The following NANOGNB variants were observed in gnomAD, a reference collection of about 807,000 sequenced individuals.
NANOGNB encodes the protein NANOG neighbor homeobox, also known as homeobox C14.
Under a neutral mutation model 25.0 loss-of-function variants are expected in NANOGNB, and 30 were observed. The observed-to-expected ratio is 1.20, with a 90% CI of 0.90 to 1.63. NANOGNB has a LOEUF of 1.63. Among genes scored for constraint, NANOGNB ranks in the 40% most tolerant of loss-of-function variants. The pLI, the probability that NANOGNB is intolerant of heterozygous loss-of-function variation, is 0.00. For missense variants in NANOGNB, 200 were observed against 188.1 expected (o/e 1.06, Z -0.37); for synonymous variants, 84 against 62.1 (o/e 1.35, Z -1.66).
intron 1 of NANOGNB, chr12:7,765,965 G>C (rs1865241438): frequency 2.5e-6 from 1 of 393,996 alleles, no homozygotes; most frequent in Non-Finnish European, 4.5e-6. Context: ...AAGGAGATAA[G>C]AGGTGAAGGG....
rs1266300920 is a variant in NANOGNB at position 7,765,367 on chromosome 12, G to A, written c.82G>A (p.Glu28Lys). ...GGGCAGATCACGAGGTCAGGAAATC[G>A]AGACCATCTTGGCTAACAAGGTAAA... ...EAGRSRGQEI[E>K]TILANKKQSA... is the part of the protein sequence containing the mutation. Residue 28 changes from glutamate to lysine, a missense_variant, in exon 1 of 4, where the codon GAG becomes AAG. By Grantham distance (56) the Glu-to-Lys change is moderately conservative. Coordinates refer to ENST00000382119, the MANE Select transcript of NANOGNB (RefSeq NM_001145465.1). 3.7e-6 allele frequency: 2 copies of A among 533,480 alleles called. No homozygotes were observed. The highest frequency in any genetic ancestry group is 6.3e-6 in the Non-Finnish European group (2 of 318,990). 33.0% of individuals were successfully genotyped at this position (533,480 alleles called of 1,614,324 possible).
chr12:7,769,011 T>G (rs1366827631), intron 1 of NANOGNB, among the ~76,000 whole-genome samples: 1 of 152,128 alleles, frequency 6.6e-6, no homozygotes, highest in African/African-American at 2.4e-5. Flanking sequence ...TGAGAAAGCC[T>G]AATCCAATCA....
rs12818448 is a variant in NANOGNB at position 7,765,340 on chromosome 12, G to A, written c.55G>A (p.Ala19Thr). ...AATCCCAGCACTTTGGGAGGCCGAG[G>A]CGGGCAGATCACGAGGTCAGGAAAT... ...PVIPALWEAE[A>T]GRSRGQEIET... The change falls in exon 1 of 4, where the codon GCG becomes ACG. Residue 19 changes from alanine (A) to threonine (T), a missense_variant. Coordinates refer to ENST00000382119, the MANE Select transcript of NANOGNB (RefSeq NM_001145465.1). The A allele has an allele frequency of 0.1, 77,940 of 751,012 alleles. 4,684 individuals carry two copies. Among genetic ancestry groups the A allele is most frequent in the African/African-American group, 0.21 (11,238 of 54,350 alleles). The allele number at this position is 751,012 out of a possible 1,614,324, so 46.5% of individuals were successfully genotyped here.
intron 1 of NANOGNB, among the ~76,000 whole-genome samples, 182 bp downstream of exon 1, chr12:7,765,569 C>CAAAAAAA (rs1187331161): frequency 6.4e-4 from 31 of 48,656 alleles, no homozygotes; most frequent in East Asian, 5.0e-3. Flanking sequence ...GACTCCGTCT[C>CAAAAAAA]AAAAAAAAAA....
chr12:7,770,037 A>C lies in NANOGNB; in HGVS notation c.157A>C (p.Ser53Arg). 1 of 1,536,726 alleles carries C rather than the reference A, an allele frequency of 6.5e-7. No individual in the cohort carries two copies. ...QDPEQSTGNY[S>R]EDEQNGKQKW... The stretch of plus-strand genomic sequence containing the variant: ...TCCAGAACAATCAACTGGAAATTAC[A>C]GTGAAGATGAACAAAATGGAAAGCA... The change falls in exon 2 of 4, where the codon AGT becomes CGT. Residue 53 changes from serine (S) to arginine (R), a missense_variant. Physicochemically the swap from Ser to Arg is moderately radical, Grantham distance 110. Coordinates refer to ENST00000382119, the MANE Select transcript of NANOGNB (RefSeq NM_001145465.1).
Position 7,770,526 on chromosome 12 carries a change from AGT to A in NANOGNB, c.515+11_515+12del, listed in dbSNP as rs1175273387. On this transcript the variant is annotated intron_variant, in intron 3 of 3. Transcript: ENST00000382119. Reference sequence around the variant, plus strand: ...TAAGAAAAAACATATGAGGTAAGAAAGTGTTTCTTGTAAAATAAAAGGAAGTA... The same window carrying A: ...TAAGAAAAAACATATGAGGTAAGAAAGTTTCTTGTAAAATAAAAGGAAGTA... 7.0e-7 allele frequency: 1 copy of A among 1,435,222 alleles called. No individual in the cohort carries two copies. The highest frequency in any genetic ancestry group is 9.5e-7 in the Non-Finnish European group (1 of 1,052,868). 88.9% of individuals were successfully genotyped at this position (1,435,222 alleles called of 1,614,324 possible).
chr12:7,767,597 G>A (rs1235404285), intron 1 of NANOGNB, among the ~76,000 whole-genome samples: 1 of 151,868 alleles, frequency 6.6e-6, no homozygotes, highest in Non-Finnish European at 1.5e-5. Flanking sequence ...ATACCAATTA[G>A]CAGACACTCC....
intron 3 of NANOGNB, among the ~76,000 whole-genome samples, chr12:7,773,470 G>A (rs1249692275): frequency 1.4e-5 from 2 of 146,848 alleles, no homozygotes; most frequent in Admixed American, 7.1e-5. Flanking sequence ...GGAGGCCAAG[G>A]CAGGTGGATC....
chr12:7,772,915 C>T (rs1862596468), intron 3 of NANOGNB, among the ~76,000 whole-genome samples: 1 of 151,914 alleles, frequency 6.6e-6, no homozygotes, highest in South Asian at 2.1e-4. Flanking sequence ...TATTCCAGGC[C>T]CAGGATCTAT....
rs141257414 is a variant in NANOGNB at position 7,769,445 on chromosome 12, C to T, written c.103-538C>T. Among the ~76,000 whole-genome samples the T allele has an allele frequency of 3.0e-3, 462 of 152,244 alleles. 3 individuals carry two copies. Among genetic ancestry groups the T allele is most frequent in the African/African-American group, 9.6e-3 (397 of 41,552 alleles). On this transcript the variant is annotated intron_variant, in intron 1 of 3. Transcript: ENST00000382119. ...TCAAGCAATTTTCCTGCCTCAGCCT[C>T]CCAAGTAGCTGGAACTACAGGTGCA...
rs768389221 is a variant in NANOGNB, at chr12:7,767,776, C to T, written c.103-2207C>T. 2.1e-3 allele frequency among the ~76,000 whole-genome samples: 299 copies of T among 143,582 alleles called. 1 individual carries two copies. Among genetic ancestry groups the T allele is most frequent in the African/African-American group, 7.2e-3 (278 of 38,666 alleles). 94.2% of individuals were successfully genotyped at this position (143,582 alleles called of 152,430 possible). ...TTTCCTCTTTTTTTTTTTTTTTTTC[C>T]GGTGTGGCAGGGTCTTGCTCTGTCA... On this transcript the variant is annotated intron_variant, in intron 1 of 3. Coordinates refer to ENST00000382119, the MANE Select transcript of NANOGNB (RefSeq NM_001145465.1).
chr12:7,770,395 C>A (rs1225888525), intron 2 of NANOGNB, 44 bp from the exon 3 acceptor site: 2 of 1,526,176 alleles, frequency 1.3e-6, no homozygotes, highest in Admixed American at 4.4e-5. Flanking sequence ...GACCAATATC[C>A]TTATTCCTGT....
In NANOGNB at chr12:7,770,256, T is replaced by G; in HGVS notation, c.376T>G (p.Cys126Gly). The change falls in exon 2 of 4, where the codon TGC becomes GGC. Residue 126 changes from cysteine to glycine, a missense_variant. By Grantham distance (159) the Cys-to-Gly change is radical. Transcript: ENST00000382119. ...CTGGGCAAAGTTTAAGTTAAACAGG[T>G]GCCCCACTATACAAGAGAGTCTATC... is the stretch of plus-strand genomic sequence containing the variant. ...TLWAKFKLNR[C>G]PTIQESLSLS... 1 of 1,549,322 alleles carries G rather than the reference T, an allele frequency of 6.5e-7. No homozygotes were observed. Among genetic ancestry groups the G allele is most frequent in the Non-Finnish European group, 8.7e-7 (1 of 1,146,460 alleles).
chr12:7,765,936 T>C (rs1238376425), intron 1 of NANOGNB: 2 of 390,990 alleles, frequency 5.1e-6, no homozygotes, highest in Non-Finnish European at 9.0e-6. Context: ...TTAGATGACC[T>C]GGATTAGAGC....
At chr12:7,767,496 C>T (rs752854864) in intron 1 of NANOGNB, among the ~76,000 whole-genome samples, 2 of 151,246 alleles carry the variant, frequency 1.3e-5, no homozygotes, top group African/African-American at 4.9e-5. Context: ...CTGACGATTT[C>T]GAGACCAACA....
rs1421305006 is a variant in NANOGNB, at chr12:7,770,308, A to G, written c.428A>G (p.His143Arg). The change falls in exon 2 of 4, where the codon CAT becomes CGT. Residue 143 changes from histidine to arginine, a missense_variant. Transcript: ENST00000382119. Reference protein sequence around the residue: ...LSLSFEFDMTHKQISQWFCKT... With the variant: ...LSLSFEFDMTRKQISQWFCKT... ...CTGTCATTTGAATTTGACATGACAC[A>G]TAAACAGGTATGACAACATTAATAG... is the stretch of plus-strand genomic sequence containing the variant. The G allele has an allele frequency of 7.2e-6, 11 of 1,531,712 alleles. No individual in the cohort carries two copies. The highest frequency in any genetic ancestry group is 1.4e-5 in the African/African-American group (1 of 71,760). The allele number at this position is 1,531,712 out of a possible 1,614,324, so 94.9% of individuals were successfully genotyped here. A position where few individuals can be genotyped will look rare whatever the true frequency, so the allele number is the denominator to read the frequency against.
intron 3 of NANOGNB, among the ~76,000 whole-genome samples, chr12:7,771,995 C>T (rs1385059483): frequency 6.6e-6 from 1 of 152,118 alleles, no homozygotes; most frequent in Non-Finnish European, 1.5e-5. Flanking sequence ...ACACTGGTTA[C>T]CAACACCGAG....
At chr12:7,770,773 C>T (rs1865286054) in intron 3 of NANOGNB, among the ~76,000 whole-genome samples, 1 of 152,114 alleles carries the variant, frequency 6.6e-6, no homozygotes. Flanking sequence ...CCACCACGCC[C>T]AGCTAATTTT....
At chr12:7,771,612 T>C (rs1862568398) in intron 3 of NANOGNB, among the ~76,000 whole-genome samples, 1 of 151,928 alleles carries the variant, frequency 6.6e-6, no homozygotes, top group African/African-American at 2.4e-5. Context: ...ATTATCTCAC[T>C]TGATCATTGT....
Sources: gnomAD v4.1 joint callset for allele counts (sites outside exome capture counted in the v4.1 genomes callset) on GRCh38, gnomAD v4.1.1 for gene constraint, MANE v1.5 for transcripts, NCBI Gene and HGNC (gene_info 2026-07-23, HGNC 2026-07-21) for gene names.